The following CATSPERT variants were observed in gnomAD, a reference collection of about 807,000 sequenced individuals.
CATSPERT encodes the protein cation channel sperm-associated targeting subunit tau.
the CATSPERT span, among the ~76,000 whole-genome samples, chr2:201,591,851 GC>G: frequency 6.6e-6 from 1 of 152,038 alleles, no homozygotes; most frequent in East Asian, 1.9e-4. Flanking sequence ...CTGAGACTTT[GC>G]TGAAGTTGCT....
the CATSPERT span, among the ~76,000 whole-genome samples, chr2:201,585,846 C>T: frequency 6.6e-6 from 1 of 152,138 alleles, no homozygotes; most frequent in Admixed American, 6.6e-5. Context: ...TTGTAAAATA[C>T]AGTTGACCCT....
chr2:201,582,836 T>A, the CATSPERT span, among the ~76,000 whole-genome samples: 1 of 152,134 alleles, frequency 6.6e-6, no homozygotes. Context: ...AGAATCCAGG[T>A]GCCTTCCTGC....
chr2:201,535,911 G>A, the CATSPERT span: 2 of 1,547,818 alleles, frequency 1.3e-6, no homozygotes, highest in Non-Finnish European at 1.7e-6. Flanking sequence ...AACTAAGCCT[G>A]TGTTCTCCCT....
the CATSPERT span, among the ~76,000 whole-genome samples, chr2:201,602,331 T>C: frequency 2.7e-4 from 41 of 152,282 alleles, no homozygotes; most frequent in Non-Finnish European, 5.0e-4. Flanking sequence ...TGGTCTGTAT[T>C]GTATCTTTCA....
At chr2:201,618,151 C>T in the CATSPERT span, among the ~76,000 whole-genome samples, 1 of 152,092 alleles carries the variant, frequency 6.6e-6, no homozygotes, top group Non-Finnish European at 1.5e-5. Flanking sequence ...GACAGTGTGG[C>T]GATTCCTCAA....
the CATSPERT span, among the ~76,000 whole-genome samples, chr2:201,520,227 A>G: frequency 6.6e-6 from 1 of 152,244 alleles, no homozygotes; most frequent in Admixed American, 6.5e-5. Flanking sequence ...ATAGATGGAG[A>G]CTTCAACAAT....
chr2:201,595,228 G>A, the CATSPERT span, among the ~76,000 whole-genome samples: 1 of 142,114 alleles, frequency 7.0e-6, no homozygotes, highest in Non-Finnish European at 1.5e-5. Context: ...TCTCACTGTC[G>A]CCCAGGCTGG....
chr2:201,506,191 C>T, the CATSPERT span, among the ~76,000 whole-genome samples: 2 of 152,114 alleles, frequency 1.3e-5, no homozygotes, highest in East Asian at 3.9e-4. Flanking sequence ...GGCGCGAACC[C>T]GGGAGGCGGA....
At chr2:201,556,015 T>C in the CATSPERT span, 1 of 152,218 alleles carries the variant, frequency 6.6e-6, no homozygotes, top group African/African-American at 2.4e-5. Flanking sequence ...TATCACTTAA[T>C]GACAAAATTA....
the CATSPERT span, among the ~76,000 whole-genome samples, chr2:201,575,107 A>G: frequency 9.3e-5 from 14 of 151,272 alleles, no homozygotes; most frequent in Admixed American, 3.9e-4. Context: ...GATTTTTGTT[A>G]GTTAATATTG....
At chr2:201,581,569 TATATATATATATATATATATATATACAC>T in the CATSPERT span, among the ~76,000 whole-genome samples, 1 of 77,056 alleles carries the variant, frequency 1.3e-5, no homozygotes, top group African/African-American at 5.1e-5. Flanking sequence ...TATATATATA[TATATATATATATATATATATATATACAC>T]ATACATATTC....
the CATSPERT span, among the ~76,000 whole-genome samples, chr2:201,605,922 C>A: frequency 2.0e-5 from 3 of 151,908 alleles, no homozygotes; most frequent in Non-Finnish European, 4.4e-5. Context: ...GACAAACCAT[C>A]CCAGAAATAA....
At chr2:201,596,550 C>A in the CATSPERT span, among the ~76,000 whole-genome samples, 27 of 152,188 alleles carry the variant, frequency 1.8e-4, no homozygotes, top group Non-Finnish European at 3.5e-4. Context: ...ACCAAGCCTG[C>A]ACATGTACCC....
the CATSPERT span, among the ~76,000 whole-genome samples, chr2:201,608,680 G>A: frequency 6.6e-6 from 1 of 152,040 alleles, no homozygotes; most frequent in African/African-American, 2.4e-5. Context: ...AGCCAGGCAT[G>A]GTGGCGAGTT....
At chr2:201,604,061 T>C in the CATSPERT span, among the ~76,000 whole-genome samples, 1 of 152,140 alleles carries the variant, frequency 6.6e-6, no homozygotes, top group African/African-American at 2.4e-5. Flanking sequence ...TCATGTCTTG[T>C]TCTGTACTTT....
chr2:201,494,610 A>G, the CATSPERT span: 1 of 1,537,296 alleles, frequency 6.5e-7, no homozygotes, highest in Non-Finnish European at 8.7e-7. Flanking sequence ...ATTGTGCTGG[A>G]TAAGGAGGAT....
the CATSPERT span, chr2:201,572,112 T>C: frequency 1.1e-6 from 1 of 879,858 alleles, no homozygotes; most frequent in African/African-American, 1.7e-5. Context: ...CATAATGCTA[T>C]GAATACCCCA....
At chr2:201,529,238 G>GA in the CATSPERT span, among the ~76,000 whole-genome samples, 1 of 152,026 alleles carries the variant, frequency 6.6e-6, no homozygotes, top group Non-Finnish European at 1.5e-5. Flanking sequence ...CACAGAAATA[G>GA]AAAAAATAAT....
At chr2:201,539,510 GGT>G in the CATSPERT span, among the ~76,000 whole-genome samples, 3 of 49,344 alleles carry the variant, frequency 6.1e-5, no homozygotes, top group African/African-American at 1.7e-4. Flanking sequence ...TTTTTAACGA[GGT>G]TTTTTTTTTT....
Sources: allele counts gnomAD v4.1 joint callset (sites outside exome capture counted in the v4.1 genomes callset), GRCh38; gene constraint gnomAD v4.1.1; transcripts MANE v1.5; gene names NCBI Gene and HGNC (gene_info 2026-07-23, HGNC 2026-07-21).